PPM1B: variants seen among roughly 807,000 people sequenced by gnomAD.
PPM1B encodes protein phosphatase, Mg2+/Mn2+ dependent 1B.
In PPM1B, 22 loss-of-function variants were observed where a neutral mutation model predicts 43.0. The observed-to-expected ratio is 0.51, with a 90% CI of 0.37 to 0.73. The LOEUF is 0.73. Ranked by LOEUF, PPM1B falls within the 30% of genes least tolerant of loss-of-function variation. PPM1B has a pLI of 0.00. For missense variants in PPM1B, 632 were observed against 584.2 expected (o/e 1.08, Z -0.84); for synonymous variants, 217 against 197.9 (o/e 1.10, Z -0.81).
chr2:44,236,544 G>A (rs1253163249), downstream of PPM1B, among the ~76,000 whole-genome samples: 2 of 151,886 alleles, frequency 1.3e-5, no homozygotes, highest in South Asian at 2.1e-4. Flanking sequence ...AATATTAGTC[G>A]GGGAAAAATG....
chr2:44,177,851 G>T (rs906408642), intron 1 of PPM1B, among the ~76,000 whole-genome samples: 6 of 144,368 alleles, frequency 4.2e-5, no homozygotes, highest in African/African-American at 1.5e-4. Flanking sequence ...TTTTGTTCTA[G>T]TCCCTTTTTT....
chr2:44,244,201 T>C (rs766662451), intron 5 of PPM1B: 1 of 1,157,452 alleles, frequency 8.6e-7, no homozygotes, highest in Non-Finnish European at 1.1e-6. Context: ...TATATATATA[T>C]ATTTCAATTT....
At chr2:44,203,137 C>T (rs955137947) in intron 2 of PPM1B, among the ~76,000 whole-genome samples, 3 of 151,976 alleles carry the variant, frequency 2.0e-5, no homozygotes, top group African/African-American at 4.8e-5. Flanking sequence ...GGTTAAATAC[C>T]GATTTCTTTT....
chr2:44,197,077 CAG>C (rs768396874), intron 1 of PPM1B, among the ~76,000 whole-genome samples: 1 of 152,124 alleles, frequency 6.6e-6, no homozygotes, highest in African/African-American at 2.4e-5. Context: ...AAAGGTAGTA[CAG>C]AGTCTTCCCC....
intron 1 of PPM1B, among the ~76,000 whole-genome samples, chr2:44,174,523 A>T (rs1641849205): frequency 6.6e-6 from 1 of 152,220 alleles, no homozygotes; most frequent in Non-Finnish European, 1.5e-5. Flanking sequence ...AATAGGAAAA[A>T]ACCTTGTCTT....
chr2:44,184,768 C>T (rs1245592748), intron 1 of PPM1B, among the ~76,000 whole-genome samples: 2 of 151,960 alleles, frequency 1.3e-5, no homozygotes, highest in Non-Finnish European at 2.9e-5. Flanking sequence ...CAGTAAAATT[C>T]AGGAGAATCA....
At chr2:44,234,475 C>A (rs1670555483), downstream of PPM1B, 6 of 839,924 alleles carry the variant, frequency 7.1e-6, no homozygotes, top group Non-Finnish European at 8.6e-6. Context: ...GCTAAGATCG[C>A]GCCACTGCAC....
Position 44,218,511 on chromosome 2 carries a change from C to T in PPM1B, c.1108C>T (p.Leu370=). 1 of 1,583,246 alleles carries T rather than the reference C, an allele frequency of 6.3e-7. No individual in the cohort carries two copies. Among genetic ancestry groups the T allele is most frequent in the East Asian group, 2.3e-5 (1 of 44,348 alleles). ...TGTTATTGAAGCTGTTTATAGTAGA[C>T]TGAATCCACATAGAGAAAGTGATGG... ...RNVIEAVYSR[L]NPHRESDGAS... Residue 370 remains leucine, a synonymous_variant, in exon 5 of 6, where the codon CTG becomes TTG. Coordinates refer to ENST00000282412, the MANE Select transcript of PPM1B (RefSeq NM_002706.6).
intron 3 of PPM1B, among the ~76,000 whole-genome samples, chr2:44,209,777 CA>C (rs533636045): frequency 0.29 from 28,231 of 96,142 alleles, 2,641 homozygotes; most frequent in African/African-American, 0.37. Context: ...ACTCCGTCTC[CA>C]AAAAAAAAAA....
intron 1 of PPM1B, among the ~76,000 whole-genome samples, chr2:44,177,607 C>A (rs1667643593): frequency 6.6e-6 from 1 of 151,452 alleles, no homozygotes; most frequent in Non-Finnish European, 1.5e-5. Context: ...TTAGTAGAGA[C>A]AGGGGTCTCA....
chr2:44,180,466 C>G (rs75703862), intron 1 of PPM1B, among the ~76,000 whole-genome samples: 2 of 152,176 alleles, frequency 1.3e-5, no homozygotes, highest in African/African-American at 4.8e-5. Context: ...AAATCAAGGA[C>G]TGCTTGTACT....
At chr2:44,221,732 A>G (rs1234899448) in intron 5 of PPM1B, among the ~76,000 whole-genome samples, 1 of 152,190 alleles carries the variant, frequency 6.6e-6, no homozygotes, top group Admixed American at 6.5e-5. Flanking sequence ...AAGTAGTACC[A>G]CTAGAAATAG....
At chr2:44,198,650 G>C (rs1396564318) in intron 1 of PPM1B, among the ~76,000 whole-genome samples, 1 of 152,150 alleles carries the variant, frequency 6.6e-6, no homozygotes, top group African/African-American at 2.4e-5. Context: ...AACATAATGT[G>C]CCTCTGTTAC....
Position 44,201,148 on chromosome 2 carries a change from C to A in PPM1B, c.-14-38C>A. 1 of 1,514,900 alleles carries A rather than the reference C, an allele frequency of 6.6e-7. No individual in the cohort carries two copies. Among genetic ancestry groups the A allele is most frequent in the Non-Finnish European group, 8.9e-7 (1 of 1,124,204 alleles). The allele number at this position is 1,514,900 out of a possible 1,614,324, so 93.8% of individuals were successfully genotyped here. On this transcript the variant is annotated intron_variant, in intron 1 of 5. Coordinates refer to ENST00000282412, the MANE Select transcript of PPM1B (RefSeq NM_002706.6). The surrounding 1 kb of genome is among the most constrained non-coding windows in gnomAD (Gnocchi z 5.4). ...GGAATATTGTACATACATTTTCTGT[C>A]AAATTTAAACATTTAACACCTGCAT...
Position 44,231,264 on chromosome 2 carries a change from T to C in PPM1B, c.*546T>C. Reference sequence around the variant, plus strand: ...TCTCTGTAGTTTTATTTTTAGAAGTTGTGAGATATTGGATGTGTGGCTATT... The same window carrying C: ...TCTCTGTAGTTTTATTTTTAGAAGTCGTGAGATATTGGATGTGTGGCTATT... On this transcript the variant is annotated 3_prime_UTR_variant, in exon 6 of 6. Coordinates refer to ENST00000282412, the MANE Select transcript of PPM1B (RefSeq NM_002706.6). 1 of 977,422 alleles carries C rather than the reference T, an allele frequency of 1.0e-6. No homozygotes were observed. Among genetic ancestry groups the C allele is most frequent in the Non-Finnish European group, 1.2e-6 (1 of 822,616 alleles). 60.5% of individuals were successfully genotyped at this position (977,422 alleles called of 1,614,324 possible).
chr2:44,208,663 A>T (rs188642504), intron 2 of PPM1B, among the ~76,000 whole-genome samples: 9 of 152,332 alleles, frequency 5.9e-5, no homozygotes, highest in Non-Finnish European at 1.0e-4. Flanking sequence ...CAGTGAGCCA[A>T]GATTGCGCCA....
intron 1 of PPM1B, among the ~76,000 whole-genome samples, chr2:44,192,268 A>T (rs989805537): frequency 4.0e-5 from 6 of 151,482 alleles, no homozygotes; most frequent in African/African-American, 1.5e-4. Context: ...CCCAGGCTGG[A>T]GTGCAGTGGC....
chr2:44,207,008 A>G (rs1669222593), intron 2 of PPM1B, among the ~76,000 whole-genome samples: 1 of 152,238 alleles, frequency 6.6e-6, no homozygotes, highest in Non-Finnish European at 1.5e-5. Context: ...GGGTTTCATT[A>G]AGGAATGAAT....
At chr2:44,233,787 A>T, downstream of PPM1B, 1 of 985,654 alleles carries the variant, frequency 1.0e-6, no homozygotes. Context: ...TCTAAAAGGA[A>T]TTATTGCCAC....
Sources: allele counts gnomAD v4.1 joint callset (sites outside exome capture counted in the v4.1 genomes callset), GRCh38; gene constraint gnomAD v4.1.1; non-coding constraint Gnocchi (gnomAD v3.1); transcripts MANE v1.5; gene names NCBI Gene and HGNC (gene_info 2026-07-23, HGNC 2026-07-21).